Variants in MAN2B2 observed in about 807,000 individuals in gnomAD.
The protein encoded by MAN2B2 is mannosidase alpha class 2B member 2.
A neutral mutation model predicts 117.1 loss-of-function variants in MAN2B2; 106 were observed. The ratio of observed to expected loss-of-function variants is 0.90; its 90% CI spans 0.77 to 1.06. The LOEUF is 1.06. MAN2B2 is among the 50% of genes least tolerant of loss of function. The pLI is 0.00. For synonymous variants in MAN2B2, 544 were observed against 595.1 expected (o/e 0.91, Z 1.25); for missense variants, 1,326 against 1,381.4 (o/e 0.96, Z 0.64).
At chr4:6,586,053 G>T (rs371704576) in intron 3 of MAN2B2, among the ~76,000 whole-genome samples, 225 of 143,920 alleles carry the variant, frequency 1.6e-3, no homozygotes, top group African/African-American at 2.7e-3. Flanking sequence ...TTTTCTTGTG[G>T]TTTTTTTTTT....
intron 15 of MAN2B2, among the ~76,000 whole-genome samples, chr4:6,612,092 A>C (rs1432171039): frequency 1.3e-5 from 2 of 152,232 alleles, no homozygotes; most frequent in Non-Finnish European, 2.9e-5. Context: ...GGAGGTTTTG[A>C]TTAGCATGTG....
intron 11 of MAN2B2, among the ~76,000 whole-genome samples, chr4:6,606,911 G>T (rs1727571661): frequency 1.3e-5 from 2 of 152,208 alleles, no homozygotes; most frequent in Admixed American, 1.3e-4. Flanking sequence ...GAGCGCTTCT[G>T]TTCCTTATGT....
At chr4:6,580,210 G>A (rs115353387) in intron 3 of MAN2B2, among the ~76,000 whole-genome samples, 3,965 of 152,280 alleles carry the variant, frequency 0.026, 179 homozygotes, top group African/African-American at 0.089. Context: ...AGAAGGAGGC[G>A]TGATGGACAC....
chr4:6,616,500 G>T (rs1711881320), intron 16 of MAN2B2, among the ~76,000 whole-genome samples: 1 of 152,182 alleles, frequency 6.6e-6, no homozygotes, highest in Non-Finnish European at 1.5e-5. Context: ...TAGCAGGAAG[G>T]TTTTTCTTGC....
chr4:6,604,081 G>A (rs1028198900), intron 10 of MAN2B2, among the ~76,000 whole-genome samples: 1 of 152,190 alleles, frequency 6.6e-6, no homozygotes, highest in Admixed American at 6.5e-5. Context: ...CCAGGAGAAG[G>A]TAGTCCAGGT....
At chr4:6,588,544 G>A (rs1408113723) in intron 4 of MAN2B2, among the ~76,000 whole-genome samples, 2 of 151,970 alleles carry the variant, frequency 1.3e-5, no homozygotes, top group Non-Finnish European at 1.5e-5. Context: ...GCAAAACCCC[G>A]TCTCTACTAA....
rs1443640282 is a variant in MAN2B2 at position 6,575,343 on chromosome 4, G to A, written c.133G>A (p.Val45Met). 1.9e-6 allele frequency: 3 copies of A among 1,550,042 alleles called. No homozygotes were observed. In the African/African-American group the frequency reaches 4.1e-5, roughly 21 times the overall value. Reference sequence around the variant, plus strand: ...CATGGACGTGGGCTGGGTCTACACTGTGCAGGTAGGTGCCGACCACGCCCC... The same window carrying A: ...CATGGACGTGGGCTGGGTCTACACTATGCAGGTAGGTGCCGACCACGCCCC... ...SHMDVGWVYTVQESMRAYAAN... is the reference protein window; with the variant it reads ...SHMDVGWVYTMQESMRAYAAN... The change falls in exon 1 of 19, where the codon GTG becomes ATG. Residue 45 changes from valine (V) to methionine (M), a missense_variant. By Grantham distance (21) the Val-to-Met change is conservative. Coordinates refer to ENST00000285599, the MANE Select transcript of MAN2B2 (RefSeq NM_015274.3).
At chr4:6,578,897 A>G (rs919826060) in intron 3 of MAN2B2, among the ~76,000 whole-genome samples, 2 of 151,914 alleles carry the variant, frequency 1.3e-5, no homozygotes, top group Non-Finnish European at 2.9e-5. Context: ...GTAAATGCTC[A>G]GTAAGTGTTT....
intron 3 of MAN2B2, among the ~76,000 whole-genome samples, chr4:6,581,737 G>C (rs547179015): frequency 6.6e-6 from 1 of 150,530 alleles, no homozygotes; most frequent in African/African-American, 2.4e-5. Context: ...GGTATCTAGG[G>C]TGCCAAAGCA....
chr4:6,593,424 C>G, intron 6 of MAN2B2, 74 bp downstream of exon 6: 1 of 1,443,638 alleles, frequency 6.9e-7, no homozygotes, highest in Non-Finnish European at 9.2e-7. Context: ...TCCCTGCACC[C>G]AGGGCCACCC....
At chr4:6,589,182 CT>C in intron 5 of MAN2B2, 22 bp downstream of exon 5, 1 of 1,568,178 alleles carries the variant, frequency 6.4e-7, no homozygotes, top group Non-Finnish European at 8.8e-7. Flanking sequence ...TCCGCAGTGC[CT>C]TTGGGATCTC....
intron 13 of MAN2B2, 42 bp from the exon 14 acceptor site, chr4:6,610,838 C>T (rs748106990): frequency 1.3e-6 from 2 of 1,578,660 alleles, no homozygotes; most frequent in Non-Finnish European, 1.7e-6. Flanking sequence ...CCTACCTTGC[C>T]CTTTGCCCCA....
chr4:6,578,587 G>C, intron 3 of MAN2B2, 89 bp downstream of exon 3: 1 of 1,101,092 alleles, frequency 9.1e-7, no homozygotes, highest in South Asian at 1.3e-5. Flanking sequence ...TCTGAGCTCT[G>C]TCTGCCCCTC....
intron 3 of MAN2B2, among the ~76,000 whole-genome samples, chr4:6,583,973 C>T (rs1420167641): frequency 6.6e-6 from 1 of 152,228 alleles, no homozygotes; most frequent in Non-Finnish European, 1.5e-5. Context: ...GAAGGTCAAA[C>T]TCCGCCATTT....
At chr4:6,587,315 T>C in intron 4 of MAN2B2, 147 bp downstream of exon 4, 1 of 967,396 alleles carries the variant, frequency 1.0e-6, no homozygotes, top group Non-Finnish European at 1.5e-6. Flanking sequence ...TCCCCTAACC[T>C]TTGCTCTTGT....
At chr4:6,579,100 C>T (rs200224439) in intron 3 of MAN2B2, among the ~76,000 whole-genome samples, 2 of 54,558 alleles carry the variant, frequency 3.7e-5, no homozygotes, top group Non-Finnish European at 7.6e-5. Context: ...CCATCACCAG[C>T]ACCACCACCA....
chr4:6,585,593 C>T (rs994665103), intron 3 of MAN2B2, among the ~76,000 whole-genome samples: 4 of 152,246 alleles, frequency 2.6e-5, no homozygotes, highest in East Asian at 1.9e-4. Context: ...GATCTATTTC[C>T]GTGTAGCAAA....
intron 1 of MAN2B2, among the ~76,000 whole-genome samples, chr4:6,576,276 C>G (rs1320011700): frequency 1.3e-5 from 2 of 152,334 alleles, no homozygotes; most frequent in African/African-American, 4.8e-5. Context: ...AAATTGCACA[C>G]TCAAGGCCCA....
chr4:6,614,330 G>A lies in MAN2B2; in HGVS notation c.2676G>A (p.Thr892=), dbSNP rs750142346. Residue 892 remains threonine (T), a synonymous_variant, in exon 16 of 19, where the codon ACG becomes ACA. Transcript: ENST00000285599. ...IPGWRYSSNH[T]EHSQNLRKGH... ...GCTGGCGCTACAGCTCCAACCACAC[G>A]GAGCACTCTCAGAATCTCCGGAAAG... The A allele has an allele frequency of 1.7e-5, 27 of 1,613,924 alleles. No homozygotes were observed. Among genetic ancestry groups the A allele is most frequent in the Admixed American group, 5.0e-5 (3 of 59,996 alleles).
Sources: gnomAD v4.1 joint callset for allele counts (sites outside exome capture counted in the v4.1 genomes callset) on GRCh38, gnomAD v4.1.1 for gene constraint, MANE v1.5 for transcripts, NCBI Gene and HGNC (gene_info 2026-07-23, HGNC 2026-07-21) for gene names.